The following KIAA1958 variants were observed in gnomAD, a reference collection of about 807,000 sequenced individuals.
KIAA1958 encodes the protein uncharacterized protein KIAA1958.
Under a neutral mutation model 47.2 loss-of-function variants are expected in KIAA1958, and 14 were observed. The ratio of observed to expected loss-of-function variants is 0.30; its 90% confidence interval spans 0.20 to 0.46. The LOEUF (loss-of-function observed/expected upper bound fraction) is 0.46, where lower values mean the gene tolerates loss of function less well. Ranked by LOEUF, KIAA1958 falls within the 20% of genes least tolerant of loss-of-function variation. The probability of loss-of-function intolerance (pLI) is 1.00; values close to 1 mark genes in which losing one functional copy is unlikely to be tolerated. For missense variants in KIAA1958, 803 were observed against 909.2 expected (o/e 0.88, Z 1.50); for synonymous variants, 354 against 353.3 (o/e 1.00, Z -0.02).
chr9:112,599,525 A>G (rs928292222), intron 2 of KIAA1958, among the ~76,000 whole-genome samples: 3 of 152,196 alleles, frequency 2.0e-5, no homozygotes, highest in African/African-American at 7.2e-5. Context: ...ACAATGGAAC[A>G]ACATGTATAG....
chr9:112,574,325 C>G lies in KIAA1958; in HGVS notation c.245C>G (p.Ser82Cys). The change falls in exon 2 of 4, where the codon TCT becomes TGT. Residue 82 changes from serine to cysteine, a missense_variant. By Grantham distance (112) the Ser-to-Cys change is moderately radical (BLOSUM62 -1). This residue lies in a region of KIAA1958 where 761 missense variants were observed against 829.3 expected (regional missense o/e 0.92). Transcript: ENST00000337530. ...VCFQDNRSFN[S>C]DSPSIIGVPS... is the part of the protein sequence containing the mutation. Reference sequence around the variant, plus strand: ...TTCCAGGATAACAGAAGTTTTAACTCTGATAGTCCCAGTATAATCGGGGTG... The same window carrying G: ...TTCCAGGATAACAGAAGTTTTAACTGTGATAGTCCCAGTATAATCGGGGTG... The G allele has an allele frequency of 6.2e-7, 1 of 1,614,156 alleles. No homozygotes were observed. Among genetic ancestry groups the G allele is most frequent in the South Asian group, 1.1e-5 (1 of 91,078 alleles).
At chr9:112,604,652 G>A (rs1836192172) in intron 2 of KIAA1958, among the ~76,000 whole-genome samples, 1 of 152,140 alleles carries the variant, frequency 6.6e-6, no homozygotes, top group Non-Finnish European at 1.5e-5. Context: ...GTAGAAGGGA[G>A]CTAACGTAAA....
intron 2 of KIAA1958, among the ~76,000 whole-genome samples, chr9:112,609,554 G>A (rs1191661929): frequency 2.6e-5 from 4 of 152,042 alleles, no homozygotes; most frequent in African/African-American, 9.7e-5. Flanking sequence ...TTATATATAC[G>A]TAATTTTTGT....
At chr9:112,653,031 C>G (rs1194709269) in intron 3 of KIAA1958, among the ~76,000 whole-genome samples, 2 of 152,128 alleles carry the variant, frequency 1.3e-5, no homozygotes, top group Non-Finnish European at 2.9e-5. Flanking sequence ...CAGTCCACTT[C>G]AAGAGGTAGA....
At chr9:112,540,832 C>T (rs1834928625) in intron 1 of KIAA1958, among the ~76,000 whole-genome samples, 1 of 151,898 alleles carries the variant, frequency 6.6e-6, no homozygotes, top group Non-Finnish European at 1.5e-5. Flanking sequence ...TCTCCCATCT[C>T]AGCCTCCTGA....
At position 112,669,323 on chromosome 9, in the gene KIAA1958, G is replaced by C. The variant is rs1261696646; in HGVS notation, c.*9254G>C. ...TATTTTAAAGGTGGTTGTTGTTGTT[G>C]TTTGGGTTCACTTATGTATATGCAG... is the stretch of plus-strand genomic sequence containing the variant. On this transcript the variant is annotated 3_prime_UTR_variant, in exon 4 of 4. Transcript: ENST00000337530. 1 of 152,182 alleles carries C rather than the reference G, an allele frequency of 6.6e-6. No individual in the cohort carries two copies. Among genetic ancestry groups the C allele is most frequent in the Non-Finnish European group, 1.5e-5 (1 of 68,020 alleles). 9.4% of individuals were successfully genotyped at this position (152,182 alleles called of 1,614,324 possible).
intron 1 of KIAA1958, among the ~76,000 whole-genome samples, chr9:112,520,025 A>G (rs1311509865): frequency 1.3e-5 from 2 of 152,216 alleles, no homozygotes; most frequent in African/African-American, 4.8e-5. Context: ...CTTAATTAAG[A>G]TCAAGGAGTT....
At chr9:112,645,317 C>T (rs1202003489) in intron 2 of KIAA1958, among the ~76,000 whole-genome samples, 2 of 152,008 alleles carry the variant, frequency 1.3e-5, no homozygotes, top group Non-Finnish European at 2.9e-5. Flanking sequence ...GCTATTTTTT[C>T]AGTGAAAATT....
intron 3 of KIAA1958, among the ~76,000 whole-genome samples, chr9:112,652,444 T>C (rs1257113799): frequency 1.3e-5 from 2 of 152,180 alleles, no homozygotes; most frequent in East Asian, 3.8e-4. Flanking sequence ...AACTGTTTCT[T>C]GTGTGCAAAC....
chr9:112,536,456 C>A (rs1277494945), intron 1 of KIAA1958, among the ~76,000 whole-genome samples: 1 of 152,036 alleles, frequency 6.6e-6, no homozygotes, highest in African/African-American at 2.4e-5. Flanking sequence ...ATTTGCTGAA[C>A]CCTGCTCTAT....
intron 2 of KIAA1958, among the ~76,000 whole-genome samples, chr9:112,610,490 A>G (rs182386778): frequency 6.6e-6 from 1 of 152,266 alleles, no homozygotes; most frequent in Non-Finnish European, 1.5e-5. Context: ...ATAGATATAG[A>G]AGACAATAAA....
chr9:112,634,474 G>A (rs374665724), intron 2 of KIAA1958, among the ~76,000 whole-genome samples: 11 of 152,110 alleles, frequency 7.2e-5, no homozygotes, highest in African/African-American at 2.4e-4. Flanking sequence ...CAAGTGATCC[G>A]CCAGCCTTGG....
chr9:112,568,322 A>C (rs1016247841), intron 1 of KIAA1958, among the ~76,000 whole-genome samples: 2 of 152,222 alleles, frequency 1.3e-5, no homozygotes, highest in Non-Finnish European at 2.9e-5. Context: ...TATGCAGTCC[A>C]AAGAGCTACT....
chr9:112,500,433 T>C (rs1440999244), intron 1 of KIAA1958, among the ~76,000 whole-genome samples: 1 of 151,934 alleles, frequency 6.6e-6, no homozygotes, highest in South Asian at 2.1e-4. Context: ...ATTTATCCTA[T>C]TGATTAACCT....
chr9:112,533,984 A>G (rs1288053084), intron 1 of KIAA1958, among the ~76,000 whole-genome samples: 2 of 152,178 alleles, frequency 1.3e-5, no homozygotes, highest in Non-Finnish European at 2.9e-5. Context: ...TGTGCAAGAG[A>G]GACAGTAGAA....
chr9:112,531,717 A>G (rs886476000), intron 1 of KIAA1958, among the ~76,000 whole-genome samples: 5 of 152,196 alleles, frequency 3.3e-5, no homozygotes, highest in South Asian at 2.1e-4. Flanking sequence ...ACCGGTTCCT[A>G]TTTTGATAAT....
chr9:112,632,414 G>T (rs549009452), intron 2 of KIAA1958, among the ~76,000 whole-genome samples: 1 of 151,566 alleles, frequency 6.6e-6, no homozygotes. Flanking sequence ...ATTTATCTTT[G>T]CACACTTGTG....
intron 1 of KIAA1958, among the ~76,000 whole-genome samples, chr9:112,532,335 A>G (rs1424309142): frequency 6.6e-6 from 1 of 152,266 alleles, no homozygotes; most frequent in East Asian, 1.9e-4. Context: ...TAAGTAAAAT[A>G]AATGATACTT....
chr9:112,611,896 AT>A (rs1198987786), intron 2 of KIAA1958, among the ~76,000 whole-genome samples: 7 of 152,104 alleles, frequency 4.6e-5, no homozygotes, highest in Non-Finnish European at 8.8e-5. Flanking sequence ...ATACTAGTTA[AT>A]GGAATAGAAT....
Sources: allele counts gnomAD v4.1 joint callset (sites outside exome capture counted in the v4.1 genomes callset), GRCh38; gene constraint gnomAD v4.1.1; regional missense constraint gnomAD v4.1.1; transcripts MANE v1.5; gene names NCBI Gene and HGNC (gene_info 2026-07-23, HGNC 2026-07-21).